MAP7: variants seen among roughly 807,000 people sequenced by gnomAD.
MAP7 encodes ensconsin.
MAP7 carries 52 observed loss-of-function variants against 94.8 expected under a neutral mutation model. That is an observed-to-expected ratio of 0.55 (90% CI 0.44 to 0.69). The LOEUF is 0.69. Among genes scored for constraint, MAP7 ranks in the 30% least tolerant of loss-of-function variants. The pLI, the probability that MAP7 is intolerant of heterozygous loss-of-function variation, is 0.00. For synonymous variants in MAP7, 350 were observed against 357.0 expected (o/e 0.98, Z 0.22); for missense variants, 940 against 964.6 (o/e 0.97, Z 0.34).
At chr6:136,365,174 A>G (rs1424098178) in intron 10 of MAP7, 1 of 152,232 alleles carries the variant, frequency 6.6e-6, no homozygotes, top group East Asian at 1.9e-4. Flanking sequence ...TTTCATGGCT[A>G]TTATGATGTT....
At position 136,343,986 on chromosome 6, in the gene MAP7, A is replaced by G; in HGVS notation, c.*242T>C. The G allele has an allele frequency of 3.5e-6, 1 of 283,380 alleles. No individual in the cohort carries two copies. The highest frequency in any genetic ancestry group is 6.5e-6 in the Non-Finnish European group (1 of 152,856). 17.6% of individuals were successfully genotyped at this position (283,380 alleles called of 1,614,324 possible). ...AATATTGATTGCTAAGAAGGAGCAC[A>G]CTGGAAAAAGCCATTTTAAAGTATT... On this transcript the variant is annotated 3_prime_UTR_variant, in exon 18 of 18. Coordinates refer to ENST00000354570, the MANE Select transcript of MAP7 (RefSeq NM_003980.6).
At chr6:136,427,217 A>G (rs1425222116) in intron 1 of MAP7, among the ~76,000 whole-genome samples, 4 of 152,204 alleles carry the variant, frequency 2.6e-5, no homozygotes, top group Admixed American at 1.3e-4. Context: ...GGGACCCTCC[A>G]CCGGAAATGG....
At chr6:136,427,430 A>G (rs1793495023) in intron 1 of MAP7, among the ~76,000 whole-genome samples, 1 of 152,222 alleles carries the variant, frequency 6.6e-6, no homozygotes. Flanking sequence ...GGGCATGCCT[A>G]CAGGTATTGT....
chr6:136,364,359 G>A, intron 10 of MAP7: 2 of 419,974 alleles, frequency 4.8e-6, no homozygotes, highest in Non-Finnish European at 9.2e-6. Context: ...AGAAGGTCCT[G>A]CCCCCTCCAC....
chr6:136,409,630 G>A (rs1051172735), intron 3 of MAP7, among the ~76,000 whole-genome samples: 1 of 152,144 alleles, frequency 6.6e-6, no homozygotes, highest in African/African-American at 2.4e-5. Flanking sequence ...TCATCCTTTA[G>A]TTGGGAACTT....
At chr6:136,505,273 G>GTA (rs1411923062) in intron 1 of MAP7, among the ~76,000 whole-genome samples, 87 of 69,808 alleles carry the variant, frequency 1.2e-3, no homozygotes, top group East Asian at 2.1e-3. Flanking sequence ...GTGTGTGTGT[G>GTA]TGTGTATATA....
intron 1 of MAP7, chr6:136,466,658 A>G (rs1807210093): frequency 1.8e-6 from 2 of 1,132,614 alleles, no homozygotes; most frequent in Non-Finnish European, 1.2e-6. Flanking sequence ...CTGTACTTCC[A>G]CTTGTTATAA....
At chr6:136,525,717 T>A in intron 1 of MAP7, 2 of 1,140,250 alleles carry the variant, frequency 1.8e-6, no homozygotes, top group South Asian at 3.5e-5. Flanking sequence ...TGCTAGGAGG[T>A]CACAAGCACT....
At chr6:136,522,108 G>A (rs142417358) in intron 1 of MAP7, among the ~76,000 whole-genome samples, 12 of 152,206 alleles carry the variant, frequency 7.9e-5, no homozygotes, top group South Asian at 2.1e-4. Context: ...AAAATTCACC[G>A]TCTAAGGCAG....
chr6:136,344,194 T>C lies in MAP7; in HGVS notation c.*34A>G, dbSNP rs1204182414. On this transcript the variant is annotated 3_prime_UTR_variant, in exon 18 of 18. Transcript: ENST00000354570. ...ATTCCATTAATTGTAGAAATTCTCATTAAATTTCAGCTTTGGTTCTTCAGA... is the reference window on the plus strand; with the variant it reads ...ATTCCATTAATTGTAGAAATTCTCACTAAATTTCAGCTTTGGTTCTTCAGA... 1 of 1,224,892 alleles carries C rather than the reference T, an allele frequency of 8.2e-7. No homozygotes were observed. The highest frequency in any genetic ancestry group is 1.6e-5 in the African/African-American group (1 of 63,858). 75.9% of individuals were successfully genotyped at this position (1,224,892 alleles called of 1,614,324 possible).
chr6:136,470,909 C>A (rs1303128419), intron 1 of MAP7, among the ~76,000 whole-genome samples: 1 of 151,924 alleles, frequency 6.6e-6, no homozygotes, highest in African/African-American at 2.4e-5. Context: ...TTTTTCCTTG[C>A]AGAGTTTCAC....
intron 1 of MAP7, among the ~76,000 whole-genome samples, chr6:136,433,836 C>T (rs976227823): frequency 1.3e-5 from 2 of 152,186 alleles, no homozygotes; most frequent in Admixed American, 1.3e-4. Flanking sequence ...TGGCCAACTC[C>T]ATGCCCACTT....
At chr6:136,350,039 T>C (rs905642422) in intron 16 of MAP7, among the ~76,000 whole-genome samples, 12 of 152,324 alleles carry the variant, frequency 7.9e-5, no homozygotes, top group African/African-American at 2.9e-4. Context: ...TATTAGGTAC[T>C]AAAGACATTA....
intron 1 of MAP7, among the ~76,000 whole-genome samples, chr6:136,445,537 T>A (rs1582933225): frequency 6.6e-6 from 1 of 152,224 alleles, no homozygotes; most frequent in African/African-American, 2.4e-5. Flanking sequence ...AAAACCTGTA[T>A]CCTTTTCTCC....
chr6:136,466,637 G>A, intron 1 of MAP7: 1 of 811,022 alleles, frequency 1.2e-6, no homozygotes, highest in Non-Finnish European at 1.8e-6. Flanking sequence ...AAGATTAGAA[G>A]ATTTCCTACT....
chr6:136,431,058 T>G (rs1379525089), intron 1 of MAP7, among the ~76,000 whole-genome samples: 1 of 152,208 alleles, frequency 6.6e-6, no homozygotes, highest in African/African-American at 2.4e-5. Context: ...TTTTCATAAA[T>G]GTATAATGAC....
chr6:136,546,312 CT>C (rs1354610962), intron 1 of MAP7, among the ~76,000 whole-genome samples: 37 of 145,078 alleles, frequency 2.6e-4, no homozygotes, highest in Non-Finnish European at 2.3e-4. Flanking sequence ...TGCCTCTGGC[CT>C]TTTTTTTTTT....
At chr6:136,496,743 C>T (rs2129001058) in intron 1 of MAP7, among the ~76,000 whole-genome samples, 1 of 141,946 alleles carries the variant, frequency 7.0e-6, no homozygotes, top group East Asian at 2.1e-4. Flanking sequence ...AGTTTGAGAC[C>T]AGCCTGGCCA....
chr6:136,489,207 C>T (rs1815739408), intron 1 of MAP7, among the ~76,000 whole-genome samples: 1 of 151,880 alleles, frequency 6.6e-6, no homozygotes. Flanking sequence ...TTCACCTTGC[C>T]ATCTGTTGGG....
Sources: gnomAD v4.1 joint callset for allele counts (sites outside exome capture counted in the v4.1 genomes callset) on GRCh38, gnomAD v4.1.1 for gene constraint, MANE v1.5 for transcripts, NCBI Gene and HGNC (gene_info 2026-07-23, HGNC 2026-07-21) for gene names.